The following ORC3 variants were observed in gnomAD, a reference collection of about 807,000 sequenced individuals.
The protein encoded by ORC3 is origin recognition complex subunit 3.
In ORC3, 78 loss-of-function variants were observed where a neutral mutation model predicts 100.7. The ratio of observed to expected loss-of-function variants is 0.77; its 90% CI spans 0.65 to 0.94. ORC3 has a LOEUF of 0.94. Among genes scored for constraint, ORC3 ranks in the 40% least tolerant of loss-of-function variants. The pLI is 0.00. For synonymous variants in ORC3, 295 were observed against 289.3 expected (o/e 1.02, Z -0.20); for missense variants, 789 against 823.9 (o/e 0.96, Z 0.52).
chr6:87,602,952 A>AT lies in ORC3; in HGVS notation c.178-431dup, dbSNP rs569461374. Among the ~76,000 whole-genome samples the AT allele has an allele frequency of 2.4e-3, 276 of 112,824 alleles. 4 individuals carry two copies. Among genetic ancestry groups the AT allele is most frequent in the African/African-American group, 9.2e-3 (256 of 27,716 alleles). 74.0% of individuals were successfully genotyped at this position (112,824 alleles called of 152,430 possible). ...CACGTTTATATATATATACACATAT[A>AT]TAATATATATATATATATACATATA... is the stretch of plus-strand genomic sequence containing the variant. On this transcript the variant is annotated intron_variant, in intron 3 of 19. Transcript: ENST00000392844.
chr6:87,662,227 C>A lies in ORC3; in HGVS notation c.1692-776C>A, dbSNP rs1770238329. On this transcript the variant is annotated intron_variant, in intron 16 of 19. Coordinates refer to ENST00000392844, the MANE Select transcript of ORC3 (RefSeq NM_012381.4). ...ATCACCTGAGGTCAAGAGTTCAAGA[C>A]CAGCCTGGCCAACATGGTGAAACCT... is the stretch of plus-strand genomic sequence containing the variant. Among the ~76,000 whole-genome samples, 6 of 152,256 alleles carry A rather than the reference C, an allele frequency of 3.9e-5. No homozygotes were observed. The South Asian group carries it at 1.2e-3, about 32-fold the overall frequency.
chr6:87,640,694 C>G (rs1181546428), intron 13 of ORC3, among the ~76,000 whole-genome samples: 1 of 152,182 alleles, frequency 6.6e-6, no homozygotes, highest in Non-Finnish European at 1.5e-5. Context: ...TTTTACCCCT[C>G]TATTGGAGAA....
chr6:87,667,849 A>C (rs1196353480), downstream of ORC3, among the ~76,000 whole-genome samples: 1 of 152,142 alleles, frequency 6.6e-6, no homozygotes, highest in African/African-American at 2.4e-5. Flanking sequence ...GAATTGCTCG[A>C]ACCCGGGAGG....
rs142557827 is a variant in ORC3 at position 87,626,019 on chromosome 6, G to A, written c.1185+4006G>A. Among the ~76,000 whole-genome samples the A allele has an allele frequency of 2.5e-3, 381 of 152,220 alleles. 2 individuals carry two copies. Among genetic ancestry groups the A allele is most frequent in the African/African-American group, 8.6e-3 (359 of 41,522 alleles). ...GTAGATGTGTGGTGTTATTTCTGAGGCCTCTGTTCTGTTCCATTGGTCCAT... is the reference window on the plus strand; with the variant it reads ...GTAGATGTGTGGTGTTATTTCTGAGACCTCTGTTCTGTTCCATTGGTCCAT... On this transcript the variant is annotated intron_variant, in intron 11 of 19. Transcript: ENST00000392844.
chr6:87,669,018 G>A (rs1304917617), downstream of ORC3, among the ~76,000 whole-genome samples: 1 of 152,040 alleles, frequency 6.6e-6, no homozygotes, highest in East Asian at 1.9e-4. Context: ...TTAGCTGGGC[G>A]TGGTGGCACA....
chr6:87,651,460 G>A (rs1411895416), intron 13 of ORC3: 34 of 318,004 alleles, frequency 1.1e-4, no homozygotes, highest in Non-Finnish European at 3.2e-5. Context: ...ACTCTATCTG[G>A]GCAATAGAAA....
intron 11 of ORC3, among the ~76,000 whole-genome samples, chr6:87,624,453 G>T (rs1448478761): frequency 6.6e-6 from 1 of 152,042 alleles, no homozygotes. Flanking sequence ...CCTAGCGTCG[G>T]CAACAGAGCA....
Position 87,622,125 on chromosome 6 carries a change from A to G in ORC3, c.1185+112A>G, listed in dbSNP as rs116305703. On this transcript the variant is annotated intron_variant, in intron 11 of 19. Coordinates refer to ENST00000392844, the MANE Select transcript of ORC3 (RefSeq NM_012381.4). Reference sequence around the variant, plus strand: ...CATATTTGTGCATCTTAATATTTATACAGTGAAGTACTGGGTCTTGATAGT... The same window carrying G: ...CATATTTGTGCATCTTAATATTTATGCAGTGAAGTACTGGGTCTTGATAGT... 1.8e-3 allele frequency: 1,204 copies of G among 673,442 alleles called. 12 individuals are homozygous for G. In the African/African-American group the frequency reaches 0.019, roughly 11 times the overall value. The allele number at this position is 673,442 out of a possible 1,614,324, so 41.7% of individuals were successfully genotyped here.
intron 3 of ORC3, among the ~76,000 whole-genome samples, chr6:87,602,960 T>TATATATATATATATATA (rs1562322705): frequency 7.0e-5 from 4 of 57,372 alleles, no homozygotes; most frequent in African/African-American, 2.9e-4. Flanking sequence ...ATATAATATA[T>TATATATATATATATATA]ATATATATAT....
chr6:87,644,772 C>G (rs548218966), intron 13 of ORC3, among the ~76,000 whole-genome samples: 2 of 151,792 alleles, frequency 1.3e-5, no homozygotes, highest in Non-Finnish European at 2.9e-5. Context: ...TCACTTGAAC[C>G]TGGGAGGTGG....
In ORC3 at chr6:87,617,782, A is replaced by G. The variant is rs545528105; in HGVS notation, c.987+1355A>G. Among the ~76,000 whole-genome samples, 4 of 152,294 alleles carry G rather than the reference A, an allele frequency of 2.6e-5. No individual in the cohort carries two copies. The East Asian group carries it at 7.7e-4, about 29-fold the overall frequency. The stretch of plus-strand genomic sequence containing the variant: ...GATTTTAAAAACCTATATATGTATT[A>G]GTAACCTTTGGTGCAAAAATTCAAT... On this transcript the variant is annotated intron_variant, in intron 9 of 19. Transcript: ENST00000392844.
the ORC3 span, chr6:87,675,660 G>A: frequency 5.3e-3 from 8,463 of 1,602,902 alleles, 406 homozygotes; most frequent in African/African-American, 0.1. Flanking sequence ...AAATCCAAAC[G>A]AATACTAGAT....
intron 11 of ORC3, among the ~76,000 whole-genome samples, chr6:87,627,384 C>G (rs773232143): frequency 6.7e-6 from 1 of 150,306 alleles, no homozygotes; most frequent in Non-Finnish European, 1.5e-5. Context: ...CAACCTCCAC[C>G]TCCTGGGTTC....
rs1554236515 is a variant in ORC3 at position 87,602,954 on chromosome 6, A to ATTTATATATATATATAT, written c.178-430_178-429insTTTATATATATATATAT. Among the ~76,000 whole-genome samples the ATTTATATATATATATAT allele has an allele frequency of 7.6e-4, 72 of 95,258 alleles. 1 individual carries two copies. Among genetic ancestry groups the ATTTATATATATATATAT allele is most frequent in the Admixed American group, 1.2e-3 (9 of 7,224 alleles). The allele number at this position is 95,258 out of a possible 152,430, so 62.5% of individuals were successfully genotyped here. A position where few individuals can be genotyped will look rare whatever the true frequency, so the allele number is the denominator to read the frequency against. On this transcript the variant is annotated intron_variant, in intron 3 of 19. Transcript: ENST00000392844. ...CGTTTATATATATATACACATATAT[A>ATTTATATATATATATAT]ATATATATATATATATACATATATA...
chr6:87,628,496 A>T (rs948769483), intron 11 of ORC3, among the ~76,000 whole-genome samples: 1 of 152,212 alleles, frequency 6.6e-6, no homozygotes, highest in Non-Finnish European at 1.5e-5. Context: ...TGCAGGTGAC[A>T]GTTGAAGTTT....
chr6:87,641,122 A>G (rs972028116), intron 13 of ORC3, among the ~76,000 whole-genome samples: 1 of 152,028 alleles, frequency 6.6e-6, no homozygotes, highest in African/African-American at 2.4e-5. Context: ...AAAAAAAAAA[A>G]TCAGAGCCTC....
chr6:87,594,644 T>TAA, intron 2 of ORC3: 1 of 907,560 alleles, frequency 1.1e-6, no homozygotes. Context: ...CTTCAAAGGA[T>TAA]ATGCTGCTAT....
chr6:87,600,124 C>G (rs1370059323), intron 2 of ORC3, among the ~76,000 whole-genome samples: 1 of 152,138 alleles, frequency 6.6e-6, no homozygotes, highest in East Asian at 1.9e-4. Flanking sequence ...GCTAAAAACT[C>G]TGAGTTAACT....
the ORC3 span, among the ~76,000 whole-genome samples, chr6:87,674,644 T>A: frequency 0.026 from 3,524 of 133,298 alleles, 90 homozygotes; most frequent in African/African-American, 0.08. Flanking sequence ...ATATATATAT[T>A]TTTTTTTTTT....
Sources: allele counts gnomAD v4.1 joint callset (sites outside exome capture counted in the v4.1 genomes callset), GRCh38; gene constraint gnomAD v4.1.1; transcripts MANE v1.5; gene names NCBI Gene and HGNC (gene_info 2026-07-23, HGNC 2026-07-21).